Variants in LAMTOR3 observed in about 807,000 individuals in gnomAD.
LAMTOR3 encodes the protein late endosomal/lysosomal adaptor, MAPK and MTOR activator 3, also known as ragulator complex protein LAMTOR3.
LAMTOR3 carries 14 observed loss-of-function variants against 20.3 expected under a neutral mutation model. That is an observed-to-expected ratio of 0.69 (90% CI 0.46 to 1.08). The LOEUF (loss-of-function observed/expected upper bound fraction) is 1.08, where lower values mean the gene tolerates loss of function less well. LAMTOR3 is among the 50% of genes least tolerant of loss of function. LAMTOR3 has a pLI of 0.00. For missense variants in LAMTOR3, 125 were observed against 143.7 expected, an observed-to-expected ratio of 0.87 and a Z score of 0.67; for synonymous variants, 40 against 49.4, an observed-to-expected ratio of 0.81 and a Z score of 0.80.
At position 99,882,049 on chromosome 4, in the gene LAMTOR3, T is replaced by C. The variant is rs774289012; in HGVS notation, c.320A>G (p.Glu107Gly). ...TTCAAACAATGGAGCAAGTTCCTTT[T>C]CTAGGCTGACAATTAGTCCTAAAAT... The part of the protein sequence containing the change: ...SANTGLIVSL[E>G]KELAPLFEEL... Residue 107 changes from glutamate (E) to glycine (G), a missense_variant, in exon 7 of 7, where the codon GAA becomes GGA. Glu to Gly is a moderately conservative substitution (Grantham distance 98). This residue lies in a region of LAMTOR3 where 22 missense variants were observed against 31.2 expected (regional missense o/e 0.70). Transcript: ENST00000499666. The C allele has an allele frequency of 1.9e-6, 3 of 1,585,500 alleles. No homozygotes were observed. The Admixed American group carries it at 5.8e-5, about 31-fold the overall frequency.
intron 6 of LAMTOR3, among the ~76,000 whole-genome samples, chr4:99,882,737 A>C (rs1373575578): frequency 1.3e-5 from 2 of 152,078 alleles, no homozygotes; most frequent in Admixed American, 6.5e-5. Context: ...AGAAAATCAG[A>C]AATTTATTTT....
At chr4:99,884,275 A>C in intron 5 of LAMTOR3, 150 bp from the exon 6 acceptor site, 1 of 624,642 alleles carries the variant, frequency 1.6e-6, no homozygotes, top group Non-Finnish European at 2.9e-6. Flanking sequence ...AAGGAACTTT[A>C]TATTTCAGTG....
rs1425390787 is a variant in LAMTOR3 at position 99,879,383 on chromosome 4, G to A, written c.*2611C>T. On this transcript the variant is annotated 3_prime_UTR_variant, in exon 7 of 7. Transcript: ENST00000499666. ...TTATACCCCCTCAGAAATTTTAACA[G>A]TGGCAGCATTCAACATGTAAAGGTT... The A allele has an allele frequency of 1.3e-5, 2 of 152,088 alleles. No individual in the cohort carries two copies. The highest frequency in any genetic ancestry group is 4.8e-5 in the African/African-American group (2 of 41,390). 9.4% of individuals were successfully genotyped at this position (152,088 alleles called of 1,614,324 possible). A position where few individuals can be genotyped will look rare whatever the true frequency, so the allele number is the denominator to read the frequency against.
chr4:99,892,402 T>G (rs143813082), intron 2 of LAMTOR3, among the ~76,000 whole-genome samples: 1 of 152,334 alleles, frequency 6.6e-6, no homozygotes, highest in Admixed American at 6.5e-5. Flanking sequence ...GTTGCTATTG[T>G]GTTCACTTGA....
chr4:99,891,608 T>A (rs1725024167), intron 3 of LAMTOR3, among the ~76,000 whole-genome samples: 1 of 151,992 alleles, frequency 6.6e-6, no homozygotes, highest in African/African-American at 2.4e-5. Context: ...ATAAAGTATG[T>A]GACATTTAGA....
chr4:99,878,874 T>C lies in LAMTOR3; in HGVS notation c.*3120A>G, dbSNP rs1265365552. On this transcript the variant is annotated 3_prime_UTR_variant, in exon 7 of 7. Transcript: ENST00000499666. ...AAAAAGCCAAAGCATATGGTTATCCTACCTATGGCAGATATTTAGGTTGCT... is the reference window on the plus strand; with the variant it reads ...AAAAAGCCAAAGCATATGGTTATCCCACCTATGGCAGATATTTAGGTTGCT... 1 of 152,252 alleles carries C rather than the reference T, an allele frequency of 6.6e-6. No individual in the cohort carries two copies. Among genetic ancestry groups the C allele is most frequent in the Non-Finnish European group, 1.5e-5 (1 of 68,028 alleles). The allele number at this position is 152,252 out of a possible 1,614,324, so 9.4% of individuals were successfully genotyped here. A position where few individuals can be genotyped will look rare whatever the true frequency, so the allele number is the denominator to read the frequency against.
At chr4:99,889,980 T>C (rs1360882728) in intron 3 of LAMTOR3, among the ~76,000 whole-genome samples, 1 of 152,076 alleles carries the variant, frequency 6.6e-6, no homozygotes, top group African/African-American at 2.4e-5. Flanking sequence ...ATTTTAGAAA[T>C]CAGGTCACAA....
intron 4 of LAMTOR3, among the ~76,000 whole-genome samples, chr4:99,886,776 C>A (rs1258333093): frequency 6.6e-6 from 1 of 152,098 alleles, no homozygotes; most frequent in Admixed American, 6.6e-5. Context: ...TAGGAACATC[C>A]ATTCTCATAA....
intron 2 of LAMTOR3, 27 bp from the exon 3 acceptor site, chr4:99,892,061 T>A (rs201589993): frequency 1.3e-6 from 2 of 1,555,940 alleles, no homozygotes; most frequent in South Asian, 2.4e-5. Context: ...AAAAATAATG[T>A]TGTAATAATA....
intron 6 of LAMTOR3, 149 bp from the exon 7 acceptor site, chr4:99,882,216 A>T (rs1724841066): frequency 3.4e-6 from 2 of 591,908 alleles, no homozygotes; most frequent in Admixed American, 7.0e-5. Context: ...TACAGGTTGA[A>T]TATCCCTTAT....
chr4:99,883,750 C>T (rs1241438808), intron 6 of LAMTOR3, among the ~76,000 whole-genome samples: 2 of 148,946 alleles, frequency 1.3e-5, no homozygotes, highest in African/African-American at 5.0e-5. Flanking sequence ...AGATGTAGCA[C>T]TCAGATAACA....
intron 6 of LAMTOR3, among the ~76,000 whole-genome samples, chr4:99,882,902 A>G (rs1724854414): frequency 6.6e-6 from 1 of 152,094 alleles, no homozygotes. Flanking sequence ...TTAGTTTACT[A>G]GAGTGAAAGG....
Position 99,878,789 on chromosome 4 carries a change from T to G in LAMTOR3, c.*3205A>C, listed in dbSNP as rs960392073. The G allele has an allele frequency of 9.9e-5, 15 of 152,170 alleles. No individual in the cohort carries two copies. Among genetic ancestry groups the G allele is most frequent in the African/African-American group, 3.4e-4 (14 of 41,442 alleles). 9.4% of individuals were successfully genotyped at this position (152,170 alleles called of 1,614,324 possible). A position where few individuals can be genotyped will look rare whatever the true frequency, so the allele number is the denominator to read the frequency against. Reference sequence around the variant, plus strand: ...TAATTTATTATCTAAAGTGAGACATTGAGAATGAAAGCACTATTAATAATT... The same window carrying G: ...TAATTTATTATCTAAAGTGAGACATGGAGAATGAAAGCACTATTAATAATT... On this transcript the variant is annotated 3_prime_UTR_variant, in exon 7 of 7. Transcript: ENST00000499666.
chr4:99,886,621 T>C (rs1460358322), intron 4 of LAMTOR3, among the ~76,000 whole-genome samples: 1 of 152,220 alleles, frequency 6.6e-6, no homozygotes, highest in Non-Finnish European at 1.5e-5. Context: ...ACTACATTAG[T>C]TGACTTCTAA....
rs552173338 is a variant in LAMTOR3 at position 99,891,604 on chromosome 4, T to A, written c.44+396A>T. 3.1e-4 allele frequency among the ~76,000 whole-genome samples: 47 copies of A among 152,232 alleles called. No individual in the cohort carries two copies. The Middle Eastern group carries it at 0.01, about 33-fold the overall frequency. Reference sequence around the variant, plus strand: ...ACCTCCTTGTCTCCCAATGATAAAGTATGTGACATTTAGAAAAAGAGATAA... The same window carrying A: ...ACCTCCTTGTCTCCCAATGATAAAGAATGTGACATTTAGAAAAAGAGATAA... On this transcript the variant is annotated intron_variant, in intron 3 of 6. Coordinates refer to ENST00000499666, the MANE Select transcript of LAMTOR3 (RefSeq NM_021970.4).
chr4:99,889,483 C>G (rs1394093160), intron 3 of LAMTOR3, among the ~76,000 whole-genome samples: 1 of 152,166 alleles, frequency 6.6e-6, no homozygotes, highest in Non-Finnish European at 1.5e-5. Context: ...CTCAAAGTTA[C>G]ATTCTTAAGT....
intron 5 of LAMTOR3, among the ~76,000 whole-genome samples, chr4:99,884,656 A>AAT (rs1223292897): frequency 6.6e-6 from 1 of 152,174 alleles, no homozygotes; most frequent in Non-Finnish European, 1.5e-5. Context: ...TACACATTAA[A>AAT]ATATATAACT....
intron 4 of LAMTOR3, among the ~76,000 whole-genome samples, chr4:99,886,974 T>C (rs1192870630): frequency 1.3e-5 from 2 of 151,774 alleles, no homozygotes; most frequent in Non-Finnish European, 2.9e-5. Context: ...TGTGTATATC[T>C]AGCTGAATAC....
At position 99,881,220 on chromosome 4, in the gene LAMTOR3, ACTATT is replaced by A. The variant is rs1163281551; in HGVS notation, c.*769_*773del. On this transcript the variant is annotated 3_prime_UTR_variant, in exon 7 of 7. Coordinates refer to ENST00000499666, the MANE Select transcript of LAMTOR3 (RefSeq NM_021970.4). ...GTGCTCAAACTATATTTTTAAAAAT[ACTATT>A]TTATTTTTACTCACATATGAAAAAA... 1 of 152,232 alleles carries A rather than the reference ACTATT, an allele frequency of 6.6e-6. No homozygotes were observed. Among genetic ancestry groups the A allele is most frequent in the Non-Finnish European group, 1.5e-5 (1 of 68,044 alleles). 9.4% of individuals were successfully genotyped at this position (152,232 alleles called of 1,614,324 possible).
Sources: gnomAD v4.1 joint callset for allele counts (sites outside exome capture counted in the v4.1 genomes callset) on GRCh38, gnomAD v4.1.1 for gene constraint, gnomAD v4.1.1 regional missense constraint, MANE v1.5 for transcripts, NCBI Gene and HGNC (gene_info 2026-07-23, HGNC 2026-07-21) for gene names.